DPY19L4: variants seen among roughly 807,000 people sequenced by gnomAD.
The protein encoded by DPY19L4 is probable C-mannosyltransferase DPY19L4.
In DPY19L4, 97 loss-of-function variants were observed where a neutral mutation model predicts 102.8. That is an observed-to-expected ratio of 0.94 (90% CI 0.80 to 1.12). The LOEUF is 1.12. DPY19L4 is among the 50% of genes most tolerant of loss of function. The probability of loss-of-function intolerance (pLI) is 0.00; values close to 1 mark genes in which losing one functional copy is unlikely to be tolerated. For missense variants in DPY19L4, 815 were observed against 850.4 expected (o/e 0.96, Z 0.52); for synonymous variants, 252 against 283.1 (o/e 0.89, Z 1.10).
intron 7 of DPY19L4, among the ~76,000 whole-genome samples, chr8:94,756,505 A>G (rs1291010762): frequency 6.6e-6 from 1 of 152,236 alleles, no homozygotes; most frequent in Non-Finnish European, 1.5e-5. Context: ...TTAAAGATAT[A>G]TTAAACAAGA....
chr8:94,723,066 G>C (rs1036012226), intron 1 of DPY19L4, among the ~76,000 whole-genome samples: 2 of 152,220 alleles, frequency 1.3e-5, no homozygotes, highest in Middle Eastern at 3.2e-3. Context: ...TAGCCCTACT[G>C]TTTCATATGA....
intron 2 of DPY19L4, among the ~76,000 whole-genome samples, chr8:94,733,499 C>A (rs1811059349): frequency 6.6e-6 from 1 of 151,966 alleles, no homozygotes. Context: ...CTTAGAACTT[C>A]TTCCTCTTGC....
intron 13 of DPY19L4, among the ~76,000 whole-genome samples, chr8:94,774,518 A>G (rs1385174919): frequency 6.6e-6 from 1 of 150,632 alleles, no homozygotes; most frequent in Non-Finnish European, 1.5e-5. Flanking sequence ...TCAATGAACA[A>G]CTCTCGTTTT....
chr8:94,765,187 A>T lies in DPY19L4; in HGVS notation c.875A>T (p.Tyr292Phe). Residue 292 changes from tyrosine to phenylalanine, a missense_variant, in exon 9 of 19, where the codon TAT (tyrosine) becomes TTT (phenylalanine). Coordinates refer to ENST00000414645, the MANE Select transcript of DPY19L4 (RefSeq NM_181787.3). The stretch of plus-strand genomic sequence containing the variant: ...ATTTTATTTTTGTCACAACAGGTTT[A>T]TGAAGTTTATAAAATCTACATATTT... The part of the protein sequence containing the change: ...TFSVEQSDKV[Y>F]EVYKIYIFSL... The T allele has an allele frequency of 2.7e-6, 4 of 1,495,714 alleles. No homozygotes were observed. Among genetic ancestry groups the T allele is most frequent in the Non-Finnish European group, 3.7e-6 (4 of 1,091,470 alleles). 92.7% of individuals were successfully genotyped at this position (1,495,714 alleles called of 1,614,324 possible).
chr8:94,733,327 G>A (rs1280632035), intron 2 of DPY19L4, among the ~76,000 whole-genome samples: 5 of 151,428 alleles, frequency 3.3e-5, no homozygotes, highest in South Asian at 4.2e-4. Flanking sequence ...GGGTTTCACC[G>A]TGTTAGCCAG....
chr8:94,739,274 T>A (rs7823050), intron 4 of DPY19L4, 139 bp from the exon 5 acceptor site: 624,305 of 984,096 alleles, frequency 0.63, 201,404 homozygotes, highest in Non-Finnish European at 0.66. Context: ...GCTAAATTTT[T>A]AAAAAATGGA....
Position 94,723,192 on chromosome 8 carries a change from G to T in DPY19L4, c.17-3139G>T, listed in dbSNP as rs566279363. 1.0e-3 allele frequency among the ~76,000 whole-genome samples: 152 copies of T among 152,332 alleles called. 1 individual carries two copies. The highest frequency in any genetic ancestry group is 1.5e-3 in the Non-Finnish European group (104 of 68,032). On this transcript the variant is annotated intron_variant, in intron 1 of 18. Transcript: ENST00000414645. ...AAATATCAGATAGTGAAAAGGAGTGGCCGGGCGTGGTGGCTCACGCCTGTA... is the reference window on the plus strand; with the variant it reads ...AAATATCAGATAGTGAAAAGGAGTGTCCGGGCGTGGTGGCTCACGCCTGTA...
chr8:94,726,153 CT>C (rs1182133890), intron 1 of DPY19L4, among the ~76,000 whole-genome samples, 177 bp from the exon 2 acceptor site: 1 of 152,026 alleles, frequency 6.6e-6, no homozygotes, highest in Non-Finnish European at 1.5e-5. Context: ...CTTAAATTGT[CT>C]TTTTTTAGAC....
intron 6 of DPY19L4, chr8:94,744,668 T>G (rs1811594326): frequency 2.3e-6 from 1 of 426,962 alleles, no homozygotes; most frequent in Non-Finnish European, 4.7e-6. Flanking sequence ...CATGTAAACA[T>G]AATGGTTTTA....
intron 13 of DPY19L4, among the ~76,000 whole-genome samples, chr8:94,777,430 G>T (rs1813234018): frequency 6.6e-6 from 1 of 152,156 alleles, no homozygotes; most frequent in Non-Finnish European, 1.5e-5. Context: ...CAATTTTCCT[G>T]CATCCTCATC....
At chr8:94,783,481 A>G (rs1312272401) in intron 16 of DPY19L4, among the ~76,000 whole-genome samples, 189 bp from the exon 17 acceptor site, 1 of 5,760 alleles carries the variant, frequency 1.7e-4, no homozygotes, top group African/African-American at 2.8e-4. Context: ...CTTCAGCACA[A>G]GTGTCTGCTG....
chr8:94,720,119 G>A lies in DPY19L4; in HGVS notation c.16+105G>A. 3 of 1,394,118 alleles carry A rather than the reference G, an allele frequency of 2.2e-6. No homozygotes were observed. The South Asian group carries it at 4.7e-5, about 22-fold the overall frequency. 86.4% of individuals were successfully genotyped at this position (1,394,118 alleles called of 1,614,324 possible). ...TGGAGCTGCTGGTGGCCGCGGTCGC[G>A]GTGGCGGCCGCGCGGGCAGGGCGGG... On this transcript the variant is annotated intron_variant, in intron 1 of 18. Coordinates refer to ENST00000414645, the MANE Select transcript of DPY19L4 (RefSeq NM_181787.3).
chr8:94,747,148 A>G (rs924064808), intron 6 of DPY19L4, among the ~76,000 whole-genome samples: 5 of 151,542 alleles, frequency 3.3e-5, no homozygotes, highest in African/African-American at 9.7e-5. Flanking sequence ...TGCATCATCA[A>G]CCTCCCTAGA....
At position 94,726,523 on chromosome 8, in the gene DPY19L4, A is replaced by G; in HGVS notation, c.127+82A>G. ...TATATTTTATGTCAATATTTTAAAT[A>G]TACATATTTTGAGATTAAGTATATG... On this transcript the variant is annotated intron_variant, in intron 2 of 18. Transcript: ENST00000414645. 3 of 1,170,924 alleles carry G rather than the reference A, an allele frequency of 2.6e-6. No homozygotes were observed. The highest frequency in any genetic ancestry group is 1.6e-5 in the South Asian group (1 of 61,482). 72.5% of individuals were successfully genotyped at this position (1,170,924 alleles called of 1,614,324 possible). A position where few individuals can be genotyped will look rare whatever the true frequency, so the allele number is the denominator to read the frequency against.
chr8:94,771,067 A>G (rs1357474102), intron 13 of DPY19L4, among the ~76,000 whole-genome samples: 1 of 152,004 alleles, frequency 6.6e-6, no homozygotes, highest in African/African-American at 2.4e-5. Context: ...GGCGTGCGCC[A>G]CTGCACCTGG....
In DPY19L4 at chr8:94,777,090, C is replaced by CA. The variant is rs1456216514; in HGVS notation, c.1455-575dup. On this transcript the variant is annotated intron_variant, in intron 13 of 18. Coordinates refer to ENST00000414645, the MANE Select transcript of DPY19L4 (RefSeq NM_181787.3). Reference sequence around the variant, plus strand: ...TTTGTTTTGTTTTGTTTTTTTAAGACAGAGTCTCGCTTTTCACCCAGGCTG... The same window carrying CA: ...TTTGTTTTGTTTTGTTTTTTTAAGACAAGAGTCTCGCTTTTCACCCAGGCTG... 1.6e-4 allele frequency among the ~76,000 whole-genome samples: 24 copies of CA among 151,596 alleles called. No individual in the cohort carries two copies. In the East Asian group the frequency reaches 4.7e-3, roughly 29 times the overall value.
At position 94,768,444 on chromosome 8, in the gene DPY19L4, T is replaced by G; in HGVS notation, c.1225T>G (p.Ser409Ala). 6.2e-7 allele frequency: 1 copy of G among 1,609,908 alleles called. No individual in the cohort carries two copies. The highest frequency in any genetic ancestry group is 1.1e-5 in the South Asian group (1 of 89,792). Reference sequence around the variant, plus strand: ...CTGTCAAGAATCCCTGCAGGCACCATCTCAAGATTTTTTTCTGCGATTGAC... The same window carrying G: ...CTGTCAAGAATCCCTGCAGGCACCAGCTCAAGATTTTTTTCTGCGATTGAC... ...LLCQESLQAP[S>A]QDFFLRLTQS... Residue 409 changes from serine to alanine, a missense_variant, in exon 12 of 19, where the codon TCT becomes GCT. Physicochemically the swap from Ser to Ala is moderately conservative, Grantham distance 99 (BLOSUM62 1). Coordinates refer to ENST00000414645, the MANE Select transcript of DPY19L4 (RefSeq NM_181787.3).
intron 6 of DPY19L4, among the ~76,000 whole-genome samples, chr8:94,749,959 T>C (rs1811846976): frequency 6.6e-6 from 1 of 152,188 alleles, no homozygotes. Context: ...GTTCATGTTT[T>C]TTGTTTGTTT....
intron 13 of DPY19L4, among the ~76,000 whole-genome samples, chr8:94,772,921 A>G (rs1397809606): frequency 6.6e-6 from 1 of 152,122 alleles, no homozygotes; most frequent in Non-Finnish European, 1.5e-5. Flanking sequence ...CATAAAAGGC[A>G]ATATATGAGG....
Sources: allele counts gnomAD v4.1 joint callset (sites outside exome capture counted in the v4.1 genomes callset), GRCh38; gene constraint gnomAD v4.1.1; transcripts MANE v1.5; gene names NCBI Gene and HGNC (gene_info 2026-07-23, HGNC 2026-07-21).